The following ZAN variants were observed in gnomAD, a reference collection of about 807,000 sequenced individuals.
The protein encoded by ZAN is zonadhesin (gene/pseudogene).
A neutral mutation model predicts 286.2 loss-of-function variants in ZAN; 260 were observed. The observed-to-expected ratio is 0.91, with a 90% CI of 0.82 to 1.01. The LOEUF (loss-of-function observed/expected upper bound fraction) is 1.01, where lower values mean the gene tolerates loss of function less well. Ranked by LOEUF, ZAN falls within the 50% of genes least tolerant of loss-of-function variation. The pLI, the probability that ZAN is intolerant of heterozygous loss-of-function variation, is 0.00. For synonymous variants in ZAN, 1,368 were observed against 1,417.5 expected (o/e 0.97, Z 0.79); for missense variants, 3,410 against 3,639.2 (o/e 0.94, Z 1.62).
At chr7:100,746,798 GAGGTCTGGAAT>G in intron 8 of ZAN, 96 bp downstream of exon 8, 1 of 1,430,740 alleles carries the variant, frequency 7.0e-7, no homozygotes, top group Non-Finnish European at 9.6e-7. Flanking sequence ...AGGGTCTAGG[GAGGTCTGGAAT>G]ATGTGCGAGA....
rs993264559 is a variant in ZAN, at chr7:100,760,422, T to C, written c.3728T>C (p.Ile1243Thr). 6 of 1,613,804 alleles carry C rather than the reference T, an allele frequency of 3.7e-6. No homozygotes were observed. The highest frequency in any genetic ancestry group is 5.1e-6 in the Non-Finnish European group (6 of 1,179,876). ...GGTCAGCAAGTTACTCTCCCAGCCATACCCTCTAAAGGCGTCTTCCTGGGT... is the reference window on the plus strand; with the variant it reads ...GGTCAGCAAGTTACTCTCCCAGCCACACCCTCTAAAGGCGTCTTCCTGGGT... ...VGGQQVTLPA[I>T]PSKGVFLGAS... The change falls in exon 19 of 48, where the codon ATA (isoleucine) becomes ACA (threonine). Residue 1243 changes from isoleucine (I) to threonine (T), a missense_variant. Around this residue, in one of 7 missense-constraint regions of ZAN, gnomAD observed 1,042 missense variants for 1,058.0 expected, o/e 0.98. Coordinates refer to ENST00000613979, the MANE Select transcript of ZAN (RefSeq NM_003386.3).
chr7:100,789,469 C>T, intron 39 of ZAN, 122 bp downstream of exon 39: 1 of 1,464,466 alleles, frequency 6.8e-7, no homozygotes, highest in Non-Finnish European at 9.2e-7. Context: ...CACCCAGCTT[C>T]AGAGGAGGAC....
At chr7:100,786,851 A>C (rs759150847) in intron 37 of ZAN, among the ~76,000 whole-genome samples, 16 of 152,148 alleles carry the variant, frequency 1.1e-4, no homozygotes, top group Non-Finnish European at 2.4e-4. Context: ...CAGGAATTTA[A>C]CACCAACCTG....
chr7:100,749,613 C>T (rs1429208190), intron 11 of ZAN, among the ~76,000 whole-genome samples: 1 of 138,106 alleles, frequency 7.2e-6, no homozygotes, highest in Non-Finnish European at 1.5e-5. Context: ...GTACTCCAGC[C>T]TGGGTGACAG....
chr7:100,750,575 G>A lies in ZAN; in HGVS notation c.1250-50G>A, dbSNP rs776227211. On this transcript the variant is annotated intron_variant, in intron 11 of 47. Transcript: ENST00000613979. ...CAAAGCTTTGCTAAAGCAGCAGTTG[G>A]CATGTCCTGTGCAGGCTTCTTACCT... The A allele has an allele frequency of 3.1e-5, 50 of 1,593,506 alleles. 2 individuals carry two copies. The South Asian group carries it at 5.4e-4, about 17-fold the overall frequency.
Position 100,775,829 on chromosome 7 carries a change from G to A in ZAN, c.6188G>A (p.Gly2063Glu). The A allele has an allele frequency of 3.1e-6, 5 of 1,613,492 alleles. No individual in the cohort carries two copies. The highest frequency in any genetic ancestry group is 2.5e-6 in the Non-Finnish European group (3 of 1,179,770). Residue 2063 changes from glycine (G) to glutamate (E), a missense_variant, in exon 33 of 48, where the codon GGA becomes GAA. Physicochemically the swap from Gly to Glu is moderately conservative, Grantham distance 98. Transcript: ENST00000613979. ...LEIEIPTTYY[G>E]KVCGMCGNFN... is the part of the protein sequence containing the mutation. ...ATTGAAATCCCCACAACCTACTATG[G>A]AAAGGTGAGGAAAACATCTGGCTCT...
chr7:100,760,515 A>G lies in ZAN; in HGVS notation c.3821A>G (p.Gln1274Arg), dbSNP rs1809486547. The G allele has an allele frequency of 6.2e-7, 1 of 1,613,874 alleles. No individual in the cohort carries two copies. The highest frequency in any genetic ancestry group is 1.3e-5 in the African/African-American group (1 of 74,928). ...GLRVRWDGDQ[Q>R]LYVTVSSTYS... The stretch of plus-strand genomic sequence containing the variant: ...CGGGTGAGATGGGATGGTGACCAGC[A>G]GCTGTATGTTACTGTGTCCAGGTAA... The change falls in exon 19 of 48, where the codon CAG (glutamine) becomes CGG (arginine). Residue 1274 changes from glutamine to arginine, a missense_variant. This residue lies in a region of ZAN where 1,042 missense variants were observed against 1,058.0 expected (regional missense o/e 0.98). Transcript: ENST00000613979.
At chr7:100,784,408 G>A (rs547633253) in intron 35 of ZAN, among the ~76,000 whole-genome samples, 53 of 152,122 alleles carry the variant, frequency 3.5e-4, no homozygotes, top group Non-Finnish European at 3.2e-4. Flanking sequence ...GATTACAGGC[G>A]TGAGCCACCA....
At chr7:100,761,174 G>T (rs931507046) in intron 19 of ZAN, among the ~76,000 whole-genome samples, 1 of 152,106 alleles carries the variant, frequency 6.6e-6, no homozygotes, top group East Asian at 1.9e-4. Flanking sequence ...AATTACAGGG[G>T]AGCCACTGTG....
At chr7:100,776,638 T>TCCCTTCCCTC (rs1168909234) in intron 34 of ZAN, 74 bp downstream of exon 34, 2 of 1,200,036 alleles carry the variant, frequency 1.7e-6, no homozygotes, top group East Asian at 7.2e-5. Context: ...TGCCTTCCCT[T>TCCCTTCCCTC]CCCTTCCCTC....
Position 100,738,411 on chromosome 7 carries a change from C to T in ZAN, c.614-50C>T, listed in dbSNP as rs565600062. 12 of 1,409,690 alleles carry T rather than the reference C, an allele frequency of 8.5e-6. 2 individuals carry two copies. In the African/African-American group the frequency reaches 1.0e-4, roughly 12 times the overall value. 87.3% of individuals were successfully genotyped at this position (1,409,690 alleles called of 1,614,324 possible). A position where few individuals can be genotyped will look rare whatever the true frequency, so the allele number is the denominator to read the frequency against. On this transcript the variant is annotated intron_variant, in intron 6 of 47. Transcript: ENST00000613979. Reference sequence around the variant, plus strand: ...CTAGCCTGGGTGACAGAGACCCTGTCTCTAAAAAAGAAGAAAACATTATAT... The same window carrying T: ...CTAGCCTGGGTGACAGAGACCCTGTTTCTAAAAAAGAAGAAAACATTATAT...
At chr7:100,779,793 C>T (rs1216212773) in intron 35 of ZAN, 43 bp downstream of exon 35, 1 of 1,511,000 alleles carries the variant, frequency 6.6e-7, no homozygotes. Flanking sequence ...CCCAAACCCC[C>T]TTTCCCTCTC....
At chr7:100,786,959 G>C (rs1431047108) in intron 37 of ZAN, among the ~76,000 whole-genome samples, 1 of 152,170 alleles carries the variant, frequency 6.6e-6, no homozygotes, top group East Asian at 1.9e-4. Context: ...CTACTCAGGA[G>C]ACTGACGCAG....
At position 100,791,096 on chromosome 7, in the gene ZAN, A is replaced by G. The variant is rs770074200; in HGVS notation, c.7512A>G (p.Ala2504=). 3 of 1,611,750 alleles carry G rather than the reference A, an allele frequency of 1.9e-6. No individual in the cohort carries two copies. Among genetic ancestry groups the G allele is most frequent in the Non-Finnish European group, 1.7e-6 (2 of 1,179,408 alleles). Residue 2504 remains alanine, a synonymous_variant, in exon 40 of 48, where the codon GCA becomes GCG. Transcript: ENST00000613979. Reference sequence around the variant, plus strand: ...GCTGGGAGGTGAAGACCGAGGACGCACTCCTGCGCTTCCCCAGGTGCACGG... The same window carrying G: ...GCTGGGAGGTGAAGACCGAGGACGCGCTCCTGCGCTTCCCCAGGTGCACGG... ...GNSWEVKTED[A]LLRFPRAIPA... is the part of the protein sequence containing the mutation.
Position 100,760,569 on chromosome 7 carries a change from TTCTTCCTGCTGCC to T in ZAN, c.3842+52_3842+64del, listed in dbSNP as rs552381487. ...AGTGTCCCAGCCAGGCAGCTGCCAC[TTCTTCCTGCTGCC>T]TCTTCCTGCTGCCTCTTCTTCCTGC... is the stretch of plus-strand genomic sequence containing the variant. On this transcript the variant is annotated intron_variant, in intron 19 of 47. Coordinates refer to ENST00000613979, the MANE Select transcript of ZAN (RefSeq NM_003386.3). 2,086 of 1,609,312 alleles carry T rather than the reference TTCTTCCTGCTGCC, an allele frequency of 1.3e-3. 11 individuals are homozygous for T. The highest frequency in any genetic ancestry group is 0.012 in the African/African-American group (913 of 74,962).
chr7:100,786,449 C>T (rs2116284116), intron 37 of ZAN, among the ~76,000 whole-genome samples: 1 of 152,318 alleles, frequency 6.6e-6, no homozygotes, highest in East Asian at 1.9e-4. Flanking sequence ...CTCTGTTGCC[C>T]AGGCTGGAGT....
Position 100,767,159 on chromosome 7 carries a change from G to A in ZAN, c.4762G>A (p.Glu1588Lys), listed in dbSNP as rs368350818. 50 of 1,613,862 alleles carry A rather than the reference G, an allele frequency of 3.1e-5. No homozygotes were observed. In the African/African-American group the frequency reaches 5.5e-4, roughly 18 times the overall value. Residue 1588 changes from glutamate to lysine, a missense_variant, in exon 25 of 48, where the codon GAG becomes AAG. By Grantham distance (56) the Glu-to-Lys change is moderately conservative. Transcript: ENST00000613979. ...CTATTTTGTTGTGAGCGCCACCAACGAGAACCGCGGGGGGATCCTGGAGGT... is the reference window on the plus strand; with the variant it reads ...CTATTTTGTTGTGAGCGCCACCAACAAGAACCGCGGGGGGATCCTGGAGGT... ...DSYFVVSATN[E>K]NRGGILEVSY...
At chr7:100,757,763 A>C (rs1222216186) in intron 15 of ZAN, among the ~76,000 whole-genome samples, 1 of 146,994 alleles carries the variant, frequency 6.8e-6, no homozygotes, top group Non-Finnish European at 1.5e-5. Context: ...TCAAAAAAAA[A>C]AAAAAAAACA....
intron 30 of ZAN, 49 bp from the exon 31 acceptor site, chr7:100,773,672 C>T (rs1006220158): frequency 6.3e-7 from 1 of 1,582,884 alleles, no homozygotes; most frequent in African/African-American, 1.3e-5. Context: ...GTTGGCCCAT[C>T]TCCCAATTCC....
Sources: allele counts gnomAD v4.1 joint callset (sites outside exome capture counted in the v4.1 genomes callset), GRCh38; gene constraint gnomAD v4.1.1; regional missense constraint gnomAD v4.1.1; transcripts MANE v1.5; gene names NCBI Gene and HGNC (gene_info 2026-07-23, HGNC 2026-07-21).